The following TMEM182 variants were observed in gnomAD, a reference collection of about 807,000 sequenced individuals.
TMEM182 encodes the protein transmembrane protein 182.
In TMEM182, 20 loss-of-function variants were observed where a neutral mutation model predicts 26.8. That is an observed-to-expected ratio of 0.75 (90% CI 0.53 to 1.09). The LOEUF is 1.09. Among genes scored for constraint, TMEM182 ranks in the 50% least tolerant of loss-of-function variants. TMEM182 has a pLI of 0.00. For missense variants in TMEM182, 277 were observed against 275.5 expected (o/e 1.01, Z -0.04); for synonymous variants, 109 against 102.2 (o/e 1.07, Z -0.40).
chr2:102,736,979 CAGGCA>C, exon 1 of TMEM182: 6 of 717,336 alleles, frequency 8.4e-6, no homozygotes, highest in Non-Finnish European at 1.3e-5. Flanking sequence ...GTTCTGGTCT[CAGGCA>C]AGGTGGGGAC....
intron 3 of TMEM182, among the ~76,000 whole-genome samples, chr2:102,784,387 A>G (rs1349785783): frequency 6.6e-6 from 1 of 152,120 alleles, no homozygotes; most frequent in African/African-American, 2.4e-5. Context: ...TTCTTACTGA[A>G]AACACTCCCA....
rs532925325 is a variant in TMEM182, at chr2:102,817,251, G to A, written c.*2283G>A. Reference sequence around the variant, plus strand: ...CCATGTTATGTTTATTTCTCTATTGGTTGTATTTATTAATTTTTAGAAGCC... The same window carrying A: ...CCATGTTATGTTTATTTCTCTATTGATTGTATTTATTAATTTTTAGAAGCC... On this transcript the variant is annotated 3_prime_UTR_variant, in exon 5 of 5. Coordinates refer to ENST00000412401, the MANE Select transcript of TMEM182 (RefSeq NM_144632.5). 1.0e-5 allele frequency: 10 copies of A among 985,082 alleles called. No homozygotes were observed. Among genetic ancestry groups the A allele is most frequent in the Non-Finnish European group, 1.2e-5 (10 of 829,760 alleles). The allele number at this position is 985,082 out of a possible 1,614,324, so 61.0% of individuals were successfully genotyped here.
chr2:102,753,785 C>T (rs1679953046), intron 1 of TMEM182, among the ~76,000 whole-genome samples: 1 of 152,172 alleles, frequency 6.6e-6, no homozygotes, highest in Admixed American at 6.5e-5. Context: ...TAATTAAGCT[C>T]AGTAAGATGA....
intron 4 of TMEM182, among the ~76,000 whole-genome samples, chr2:102,798,789 G>A (rs575047690): frequency 1.2e-3 from 178 of 152,120 alleles, no homozygotes; most frequent in African/African-American, 3.9e-3. Flanking sequence ...TGCATTGAGC[G>A]AGATTGTGCC....
chr2:102,750,184 G>C (rs973699117), intron 1 of TMEM182, among the ~76,000 whole-genome samples: 1 of 152,082 alleles, frequency 6.6e-6, no homozygotes, highest in Non-Finnish European at 1.5e-5. Flanking sequence ...CTCTGATGCA[G>C]TTGCTTTCTG....
chr2:102,751,303 A>G (rs1188219224), intron 1 of TMEM182, among the ~76,000 whole-genome samples: 3 of 152,126 alleles, frequency 2.0e-5, no homozygotes, highest in African/African-American at 7.2e-5. Context: ...TGGACCAGGT[A>G]TGACGTTTAC....
chr2:102,798,933 T>C (rs1440530548), intron 4 of TMEM182, among the ~76,000 whole-genome samples: 1 of 152,242 alleles, frequency 6.6e-6, no homozygotes, highest in Non-Finnish European at 1.5e-5. Flanking sequence ...GTTAGGTTTC[T>C]AACTAATTTA....
intron 3 of TMEM182, among the ~76,000 whole-genome samples, chr2:102,777,188 A>T (rs1680954689): frequency 6.6e-6 from 1 of 151,794 alleles, no homozygotes; most frequent in African/African-American, 2.4e-5. Flanking sequence ...TTCTTGGGTG[A>T]TGCTTTTCGT....
intron 3 of TMEM182, among the ~76,000 whole-genome samples, chr2:102,781,301 G>A (rs1446279755): frequency 6.6e-6 from 1 of 152,136 alleles, no homozygotes; most frequent in East Asian, 1.9e-4. Context: ...GAGGGATGGA[G>A]TTGCTATTAG....
chr2:102,741,826 A>G (rs1193297564), intron 1 of TMEM182, among the ~76,000 whole-genome samples: 1 of 152,164 alleles, frequency 6.6e-6, no homozygotes, highest in Non-Finnish European at 1.5e-5. Context: ...AACACACAAC[A>G]AGGAACTAGA....
intron 4 of TMEM182, among the ~76,000 whole-genome samples, chr2:102,803,019 G>A (rs1682211757): frequency 6.6e-6 from 1 of 152,200 alleles, no homozygotes. Flanking sequence ...TAGACTCACA[G>A]GCTGGTGAGA....
chr2:102,748,399 C>T (rs1679778640), intron 1 of TMEM182, among the ~76,000 whole-genome samples: 1 of 152,158 alleles, frequency 6.6e-6, no homozygotes, highest in Non-Finnish European at 1.5e-5. Flanking sequence ...AATTCTAAGT[C>T]AATTTGATAA....
chr2:102,842,438 C>T (rs919822794), intron 3 of TMEM182, among the ~76,000 whole-genome samples: 1 of 152,198 alleles, frequency 6.6e-6, no homozygotes, highest in African/African-American at 2.4e-5. Flanking sequence ...AGCTGCTTAT[C>T]AGGATTACTA....
intron 4 of TMEM182, among the ~76,000 whole-genome samples, chr2:102,803,520 A>G (rs1359315062): frequency 1.3e-5 from 2 of 152,320 alleles, no homozygotes; most frequent in South Asian, 2.1e-4. Flanking sequence ...TTTGTTTTCA[A>G]AAGATCAAAA....
At chr2:102,817,719 T>C (rs1682803901), downstream of TMEM182, 1 of 983,290 alleles carries the variant, frequency 1.0e-6, no homozygotes, top group Admixed American at 6.2e-5. Flanking sequence ...TATCTGTCTA[T>C]CATCAATATA....
At position 102,816,342 on chromosome 2, in the gene TMEM182, A is replaced by T; in HGVS notation, c.*1374A>T. 5.1e-6 allele frequency: 5 copies of T among 985,172 alleles called. No homozygotes were observed. The highest frequency in any genetic ancestry group is 6.0e-6 in the Non-Finnish European group (5 of 829,886). The allele number at this position is 985,172 out of a possible 1,614,324, so 61.0% of individuals were successfully genotyped here. Reference sequence around the variant, plus strand: ...GTCACCACCCAGAAGATGCTCTGGGATAGAGGAACTGCTCCTTTTCATCAG... The same window carrying T: ...GTCACCACCCAGAAGATGCTCTGGGTTAGAGGAACTGCTCCTTTTCATCAG... On this transcript the variant is annotated 3_prime_UTR_variant, in exon 5 of 5. Coordinates refer to ENST00000412401, the MANE Select transcript of TMEM182 (RefSeq NM_144632.5).
At chr2:102,767,481 C>A (rs553900106) in intron 3 of TMEM182, among the ~76,000 whole-genome samples, 3 of 152,092 alleles carry the variant, frequency 2.0e-5, no homozygotes, top group Non-Finnish European at 4.4e-5. Flanking sequence ...CATTTGGCAA[C>A]GATGTACTGA....
intron 4 of TMEM182, among the ~76,000 whole-genome samples, chr2:102,806,337 ACACT>A (rs1260083275): frequency 1.3e-5 from 2 of 152,184 alleles, no homozygotes; most frequent in African/African-American, 2.4e-5. Context: ...GCTTGACTGG[ACACT>A]CAAAGAAGAA....
intron 1 of TMEM182, among the ~76,000 whole-genome samples, chr2:102,752,726 A>C (rs939103542): frequency 6.6e-6 from 1 of 152,230 alleles, no homozygotes; most frequent in Admixed American, 6.5e-5. Context: ...CCTCGTCTGG[A>C]AAGTCAGTTG....
Sources: gnomAD v4.1 joint callset for allele counts (sites outside exome capture counted in the v4.1 genomes callset) on GRCh38, gnomAD v4.1.1 for gene constraint, MANE v1.5 for transcripts, NCBI Gene and HGNC (gene_info 2026-07-23, HGNC 2026-07-21) for gene names.